The following DENND6A variants were observed in gnomAD, a reference collection of about 807,000 sequenced individuals.
DENND6A encodes the protein DENN domain containing 6A.
DENND6A carries 43 observed loss-of-function variants against 95.5 expected under a neutral mutation model. That is an observed-to-expected ratio of 0.45 (90% CI 0.35 to 0.58). The LOEUF (loss-of-function observed/expected upper bound fraction) is 0.58, where lower values mean the gene tolerates loss of function less well. Among genes scored for constraint, DENND6A ranks in the 20% least tolerant of loss-of-function variants. DENND6A has a pLI of 0.00. For missense variants in DENND6A, 574 were observed against 736.0 expected (o/e 0.78, Z 2.55); for synonymous variants, 257 against 260.4 (o/e 0.99, Z 0.13).
At position 57,656,721 on chromosome 3, in the gene DENND6A, G is replaced by T. The variant is rs1379850533; in HGVS notation, c.818+959C>A. On this transcript the variant is annotated intron_variant, in intron 9 of 19. Transcript: ENST00000311128. ...CCTGTAATCCCAGCACTCTGGGAGG[G>T]CAAGGCAGGTGGATCACTTGAGGTC... is the stretch of plus-strand genomic sequence containing the variant. Among the ~76,000 whole-genome samples the T allele has an allele frequency of 3.3e-5, 5 of 152,004 alleles. No homozygotes were observed. The South Asian group carries it at 6.2e-4, about 19-fold the overall frequency.
At chr3:57,675,575 T>G (rs930615029) in intron 1 of DENND6A, among the ~76,000 whole-genome samples, 23 of 152,308 alleles carry the variant, frequency 1.5e-4, no homozygotes, top group African/African-American at 5.3e-4. Context: ...TCATTATGCA[T>G]TTTCTTAGGT....
chr3:57,668,829 A>G (rs2153416156), intron 3 of DENND6A, among the ~76,000 whole-genome samples: 1 of 152,316 alleles, frequency 6.6e-6, no homozygotes, highest in Admixed American at 6.5e-5. Context: ...ACAGCAATTA[A>G]AGGTTATCCT....
At chr3:57,639,405 C>A (rs948487288) in intron 12 of DENND6A, among the ~76,000 whole-genome samples, 1 of 152,080 alleles carries the variant, frequency 6.6e-6, no homozygotes, top group Admixed American at 6.6e-5. Context: ...TGATTTTGTG[C>A]AAAAGTTATC....
intron 3 of DENND6A, among the ~76,000 whole-genome samples, chr3:57,668,265 C>T (rs1324894390): frequency 6.6e-6 from 1 of 152,074 alleles, no homozygotes; most frequent in Non-Finnish European, 1.5e-5. Context: ...TGATGATGTC[C>T]CTGCTGTCTA....
intron 1 of DENND6A, among the ~76,000 whole-genome samples, chr3:57,686,267 C>T (rs1413817991): frequency 6.6e-6 from 1 of 151,982 alleles, no homozygotes; most frequent in Non-Finnish European, 1.5e-5. Context: ...GCACATATAC[C>T]CTTGGCTCTC....
Position 57,661,569 on chromosome 3 carries a change from A to C in DENND6A, c.514-18T>G. On this transcript the variant is annotated intron_variant, in intron 5 of 19. Coordinates refer to ENST00000311128, the MANE Select transcript of DENND6A (RefSeq NM_152678.3). Reference sequence around the variant, plus strand: ...ACCAAGGACTGAGGAAAAAACAAAAACAATGTTTTAAAAATTGCTTTGTCA... The same window carrying C: ...ACCAAGGACTGAGGAAAAAACAAAACCAATGTTTTAAAAATTGCTTTGTCA... 1.3e-6 allele frequency: 2 copies of C among 1,546,390 alleles called. No individual in the cohort carries two copies. The highest frequency in any genetic ancestry group is 2.5e-5 in the South Asian group (2 of 80,948).
chr3:57,662,470 T>C (rs1395043700), intron 5 of DENND6A, among the ~76,000 whole-genome samples: 2 of 152,144 alleles, frequency 1.3e-5, no homozygotes, highest in Non-Finnish European at 2.9e-5. Context: ...CCCGAAGTGT[T>C]GGGATTACAA....
At chr3:57,658,624 G>C (rs947470862) in intron 8 of DENND6A, among the ~76,000 whole-genome samples, 4 of 152,154 alleles carry the variant, frequency 2.6e-5, no homozygotes, top group Non-Finnish European at 5.9e-5. Context: ...AGAAATACTA[G>C]TTTTCCTACT....
intron 1 of DENND6A, among the ~76,000 whole-genome samples, chr3:57,681,621 TAAA>T (rs35245886): frequency 8.4e-6 from 1 of 119,644 alleles, no homozygotes. Flanking sequence ...AAGACCCTGT[TAAA>T]AAAAAAAAAA....
chr3:57,646,567 C>T (rs972996637), intron 9 of DENND6A, 129 bp from the exon 10 acceptor site: 3 of 1,285,992 alleles, frequency 2.3e-6, no homozygotes, highest in Non-Finnish European at 3.1e-6. Flanking sequence ...TGATCTGATA[C>T]ACAAATTCAT....
At chr3:57,632,908 A>C (rs1463696281) in intron 15 of DENND6A, among the ~76,000 whole-genome samples, 1 of 152,256 alleles carries the variant, frequency 6.6e-6, no homozygotes, top group Non-Finnish European at 1.5e-5. Flanking sequence ...TATCAGAAAG[A>C]AGCTCTACTA....
chr3:57,684,056 G>A (rs1050501611), intron 1 of DENND6A, among the ~76,000 whole-genome samples: 1 of 151,102 alleles, frequency 6.6e-6, no homozygotes, highest in Non-Finnish European at 1.5e-5. Flanking sequence ...AGGAGGCTGA[G>A]GCAGAGAATT....
chr3:57,674,316 C>T (rs939275245), intron 1 of DENND6A, among the ~76,000 whole-genome samples: 6 of 150,896 alleles, frequency 4.0e-5, no homozygotes, highest in Non-Finnish European at 8.9e-5. Context: ...GAGGTTGCAG[C>T]GAGCCAAGAT....
intron 1 of DENND6A, among the ~76,000 whole-genome samples, chr3:57,685,187 T>C (rs897128610): frequency 6.6e-6 from 1 of 151,980 alleles, no homozygotes; most frequent in Non-Finnish European, 1.5e-5. Flanking sequence ...CCTCCCAAAG[T>C]GCTGGGATTA....
intron 1 of DENND6A, among the ~76,000 whole-genome samples, chr3:57,684,288 C>G (rs1455236414): frequency 3.3e-5 from 5 of 151,850 alleles, no homozygotes; most frequent in African/African-American, 7.3e-5. Context: ...GGTGAAACCC[C>G]GTCGTCTCTA....
intron 1 of DENND6A, among the ~76,000 whole-genome samples, chr3:57,682,269 G>A (rs1042685616): frequency 1.2e-4 from 14 of 115,180 alleles, no homozygotes; most frequent in Non-Finnish European, 2.0e-4. Context: ...CAACAAGAGT[G>A]AGACTCCGTC....
rs1210065561 is a variant in DENND6A, at chr3:57,673,933, C to G, written c.238-1495G>C. ...TACAGGCATGTGCCACCACACCCAG[C>G]CAATTTTGTATTTTTAGTAGAGATG... On this transcript the variant is annotated intron_variant, in intron 1 of 19. Coordinates refer to ENST00000311128, the MANE Select transcript of DENND6A (RefSeq NM_152678.3). Among the ~76,000 whole-genome samples the G allele has an allele frequency of 2.0e-5, 3 of 151,976 alleles. No individual in the cohort carries two copies. In the East Asian group the frequency reaches 5.8e-4, roughly 29 times the overall value.
intron 12 of DENND6A, among the ~76,000 whole-genome samples, chr3:57,636,168 C>G (rs1032022075): frequency 6.6e-6 from 1 of 152,166 alleles, no homozygotes; most frequent in South Asian, 2.1e-4. Context: ...AGATTTTCTA[C>G]TACACAGGAA....
At chr3:57,652,915 C>A (rs2071239788) in intron 9 of DENND6A, among the ~76,000 whole-genome samples, 1 of 152,190 alleles carries the variant, frequency 6.6e-6, no homozygotes, top group South Asian at 2.1e-4. Flanking sequence ...GATGTGACAG[C>A]TACATGCAAC....
Sources: gnomAD v4.1 joint callset for allele counts (sites outside exome capture counted in the v4.1 genomes callset) on GRCh38, gnomAD v4.1.1 for gene constraint, MANE v1.5 for transcripts, NCBI Gene and HGNC (gene_info 2026-07-23, HGNC 2026-07-21) for gene names.